The following GFRA2 variants were observed in gnomAD, a reference collection of about 807,000 sequenced individuals.
GFRA2 encodes GDNF family receptor alpha-2.
A neutral mutation model predicts 48.3 loss-of-function variants in GFRA2; 17 were observed. The ratio of observed to expected loss-of-function variants is 0.35; its 90% CI spans 0.24 to 0.53. The LOEUF (loss-of-function observed/expected upper bound fraction) is 0.53, where lower values mean the gene tolerates loss of function less well. Ranked by LOEUF, GFRA2 falls within the 20% of genes least tolerant of loss-of-function variation. The pLI, the probability that GFRA2 is intolerant of heterozygous loss-of-function variation, is 0.93. For missense variants in GFRA2, 660 were observed against 637.3 expected (o/e 1.04, Z -0.38); for synonymous variants, 305 against 257.2 (o/e 1.19, Z -1.78).
At chr8:21,772,298 T>A (rs932306212) in intron 3 of GFRA2, among the ~76,000 whole-genome samples, 5 of 152,186 alleles carry the variant, frequency 3.3e-5, no homozygotes, top group Non-Finnish European at 5.9e-5. Context: ...TGGTTTCTTT[T>A]CTTTGTTTTG....
At chr8:21,737,944 C>A (rs927916888) in intron 4 of GFRA2, among the ~76,000 whole-genome samples, 3 of 152,184 alleles carry the variant, frequency 2.0e-5, no homozygotes, top group African/African-American at 7.2e-5. Flanking sequence ...GTGTGCCGGG[C>A]CGGATGCTCG....
intron 3 of GFRA2, among the ~76,000 whole-genome samples, chr8:21,765,571 C>T (rs550177008): frequency 1.3e-5 from 2 of 152,206 alleles, no homozygotes; most frequent in East Asian, 3.9e-4. Context: ...ACCCTCCCTC[C>T]ATGACCTCAT....
chr8:21,799,539 A>G (rs1314765113), intron 2 of GFRA2, among the ~76,000 whole-genome samples: 1 of 152,178 alleles, frequency 6.6e-6, no homozygotes, highest in Non-Finnish European at 1.5e-5. Context: ...TTTTAATTCA[A>G]GCTAGATTGA....
At chr8:21,808,761 C>T (rs546126106) in intron 1 of GFRA2, among the ~76,000 whole-genome samples, 3 of 152,378 alleles carry the variant, frequency 2.0e-5, no homozygotes, top group South Asian at 4.1e-4. Context: ...GGATGGCCCG[C>T]TTCAGGGTCT....
chr8:21,775,163 AC>A, intron 2 of GFRA2, 108 bp from the exon 3 acceptor site: 1 of 685,330 alleles, frequency 1.5e-6, no homozygotes, highest in Non-Finnish European at 2.7e-6. Flanking sequence ...AGCTCGTGCC[AC>A]CCAAAGGATA....
intron 4 of GFRA2, among the ~76,000 whole-genome samples, chr8:21,743,190 A>G (rs1804838750): frequency 6.6e-6 from 1 of 152,126 alleles, no homozygotes. Context: ...GGGAAACTGG[A>G]TCTCAGGGTC....
chr8:21,795,113 A>T (rs1807644764), intron 2 of GFRA2, among the ~76,000 whole-genome samples: 1 of 152,098 alleles, frequency 6.6e-6, no homozygotes, highest in Non-Finnish European at 1.5e-5. Context: ...CCCATTAGAG[A>T]GGGAGGAACC....
chr8:21,787,428 G>A (rs1807338137), intron 1 of GFRA2, among the ~76,000 whole-genome samples: 1 of 152,194 alleles, frequency 6.6e-6, no homozygotes, highest in African/African-American at 2.4e-5. Flanking sequence ...GGTGGAGGAG[G>A]GAAGGCCGGG....
intron 7 of GFRA2, among the ~76,000 whole-genome samples, chr8:21,699,074 T>C (rs1303946694): frequency 2.6e-5 from 4 of 152,218 alleles, no homozygotes; most frequent in Non-Finnish European, 4.4e-5. Flanking sequence ...CATGTGAGCT[T>C]CATCCTGTCA....
At chr8:21,797,668 C>G (rs1365119578) in intron 2 of GFRA2, 3 of 152,252 alleles carry the variant, frequency 2.0e-5, no homozygotes, top group African/African-American at 7.2e-5. Flanking sequence ...TATGGGATCT[C>G]CATCTTTGTC....
At chr8:21,735,050 C>T (rs960390911) in intron 4 of GFRA2, among the ~76,000 whole-genome samples, 2 of 152,196 alleles carry the variant, frequency 1.3e-5, no homozygotes, top group African/African-American at 4.8e-5. Flanking sequence ...GTTCCTCTTA[C>T]ATATACTGAT....
At chr8:21,791,000 C>T (rs1440757177), upstream of GFRA2, among the ~76,000 whole-genome samples, 1 of 152,078 alleles carries the variant, frequency 6.6e-6, no homozygotes, top group African/African-American at 2.4e-5. Flanking sequence ...TTCTGGTTGT[C>T]CAAATACTCC....
rs1322853085 is a variant in GFRA2, at chr8:21,693,388, T to C, written c.1285A>G (p.Ile429Val). The C allele has an allele frequency of 3.7e-6, 6 of 1,610,968 alleles. No individual in the cohort carries two copies. The highest frequency in any genetic ancestry group is 5.1e-6 in the Non-Finnish European group (6 of 1,178,494). The change falls in exon 9 of 9, where the codon ATC (isoleucine) becomes GTC (valine). Residue 429 changes from isoleucine to valine, a missense_variant. By Grantham distance (29) the Ile-to-Val change is conservative. Coordinates refer to ENST00000524240, the MANE Select transcript of GFRA2 (RefSeq NM_001495.5). Reference sequence around the variant, plus strand: ...ATCACCTTGTTACTCCCTGGGATGATATTTGTCGTGAGCTGAGTCCGCAGC... The same window carrying C: ...ATCACCTTGTTACTCCCTGGGATGACATTTGTCGTGAGCTGAGTCCGCAGC... ...SMCFTELTTN[I>V]IPGSNKVIKP...
intron 1 of GFRA2, among the ~76,000 whole-genome samples, chr8:21,806,972 C>T (rs1460789674): frequency 6.6e-6 from 1 of 152,140 alleles, no homozygotes; most frequent in African/African-American, 2.4e-5. Flanking sequence ...TTCAAGCTTC[C>T]TAAAAACAGA....
intron 4 of GFRA2, among the ~76,000 whole-genome samples, chr8:21,734,994 G>T (rs1436950924): frequency 6.6e-6 from 1 of 152,150 alleles, no homozygotes; most frequent in Non-Finnish European, 1.5e-5. Context: ...CCTTTTGGAA[G>T]CCCCCTCCCC....
chr8:21,729,648 C>T (rs1322055911), intron 4 of GFRA2, among the ~76,000 whole-genome samples: 3 of 152,188 alleles, frequency 2.0e-5, no homozygotes, highest in African/African-American at 7.2e-5. Context: ...CAGACAAGCT[C>T]GCAGGGAAAT....
chr8:21,812,084 G>T (rs1192748433), intron 1 of GFRA2: 1 of 152,244 alleles, frequency 6.6e-6, no homozygotes, highest in Admixed American at 6.5e-5. Context: ...GTCATTTCCA[G>T]TCTCTGCCCC....
chr8:21,758,483 CT>C (rs1462731914), intron 3 of GFRA2, among the ~76,000 whole-genome samples: 14 of 152,126 alleles, frequency 9.2e-5, no homozygotes, highest in African/African-American at 3.4e-4. Flanking sequence ...GAAACTGCCC[CT>C]CATCCCATTT....
rs1369594317 is a variant in GFRA2, at chr8:21,691,069, T to C, written c.*2209A>G. ...TGTGAACGGATGCTGCTCACACATA[T>C]ACAACCAGAAGCAAAAGCCATTGAG... On this transcript the variant is annotated 3_prime_UTR_variant, in exon 9 of 9. Transcript: ENST00000524240. 2 of 151,958 alleles carry C rather than the reference T, an allele frequency of 1.3e-5. No homozygotes were observed. Among genetic ancestry groups the C allele is most frequent in the African/African-American group, 4.8e-5 (2 of 41,364 alleles). The allele number at this position is 151,958 out of a possible 1,614,324, so 9.4% of individuals were successfully genotyped here. A position where few individuals can be genotyped will look rare whatever the true frequency, so the allele number is the denominator to read the frequency against.
Sources: gnomAD v4.1 joint callset for allele counts (sites outside exome capture counted in the v4.1 genomes callset) on GRCh38, gnomAD v4.1.1 for gene constraint, MANE v1.5 for transcripts, NCBI Gene and HGNC (gene_info 2026-07-23, HGNC 2026-07-21) for gene names.